Variants in CCDC88C observed in about 807,000 individuals in gnomAD.
CCDC88C encodes the protein coiled-coil and HOOK domain protein 88C.
In CCDC88C, 131 loss-of-function variants were observed where a neutral mutation model predicts 198.8. That is an observed-to-expected ratio of 0.66 (90% confidence interval 0.57 to 0.76). The LOEUF (loss-of-function observed/expected upper bound fraction) is 0.76, where lower values mean the gene tolerates loss of function less well. Ranked by LOEUF, CCDC88C falls within the 30% of genes least tolerant of loss-of-function variation. The probability of loss-of-function intolerance (pLI) is 0.00; values close to 1 mark genes in which losing one functional copy is unlikely to be tolerated. For missense variants in CCDC88C, 2,553 were observed against 2,631.6 expected (o/e 0.97, Z 0.65); for synonymous variants, 1,166 against 1,114.7 (o/e 1.05, Z -0.92).
chr14:91,330,385 G>A lies in CCDC88C; in HGVS notation c.1051-4329C>T, dbSNP rs73338417. On this transcript the variant is annotated intron_variant, in intron 10 of 29. Coordinates refer to ENST00000389857, the MANE Select transcript of CCDC88C (RefSeq NM_001080414.4). ...AGTGGGGAGTGGCAGACGAGGGTACGGTGTGGGTTTTACCCAGGAGCCATG... is the reference window on the plus strand; with the variant it reads ...AGTGGGGAGTGGCAGACGAGGGTACAGTGTGGGTTTTACCCAGGAGCCATG... 9.9e-3 allele frequency among the ~76,000 whole-genome samples: 1,505 copies of A among 152,298 alleles called. 32 individuals carry two copies. Among genetic ancestry groups the A allele is most frequent in the African/African-American group, 0.035 (1,451 of 41,558 alleles).
chr14:91,316,435 T>G (rs1333459325), intron 13 of CCDC88C, among the ~76,000 whole-genome samples: 1 of 152,070 alleles, frequency 6.6e-6, no homozygotes. Flanking sequence ...CCTTTTTTTT[T>G]TTTTGAGATG....
intron 10 of CCDC88C, among the ~76,000 whole-genome samples, chr14:91,327,873 C>T (rs755301976): frequency 2.6e-5 from 4 of 152,214 alleles, no homozygotes; most frequent in Admixed American, 6.5e-5. Context: ...TCACAAGCAA[C>T]TCCTATTCAG....
At chr14:91,401,347 T>TATATA (rs1567123925) in intron 3 of CCDC88C, among the ~76,000 whole-genome samples, 1 of 130,090 alleles carries the variant, frequency 7.7e-6, no homozygotes, top group South Asian at 2.3e-4. Flanking sequence ...TATATATATA[T>TATATA]TTTTTGAGAC....
Position 91,300,087 on chromosome 14 carries a change from C to T in CCDC88C, c.3636-17G>A. ...TCACCGTGCCTGTTGGAGGGAAGCA[C>T]CTGCCGTGAGTCTGGCCAGGGCCTT... On this transcript the variant is annotated splice_polypyrimidine_tract_variant and intron_variant, in intron 20 of 29. Transcript: ENST00000389857. 1 of 1,604,362 alleles carries T rather than the reference C, an allele frequency of 6.2e-7. No individual in the cohort carries two copies. Among genetic ancestry groups the T allele is most frequent in the Non-Finnish European group, 8.5e-7 (1 of 1,176,316 alleles).
intron 3 of CCDC88C, among the ~76,000 whole-genome samples, chr14:91,378,272 G>C (rs1164604230): frequency 6.6e-6 from 1 of 152,296 alleles, no homozygotes; most frequent in Non-Finnish European, 1.5e-5. Flanking sequence ...GGGACAGGGG[G>C]TGACAAGAGA....
chr14:91,412,492 T>C (rs1402928671), intron 2 of CCDC88C, among the ~76,000 whole-genome samples: 1 of 151,946 alleles, frequency 6.6e-6, no homozygotes, highest in Non-Finnish European at 1.5e-5. Context: ...CTGGGTGCAG[T>C]GGCACAATCT....
chr14:91,272,918 C>A lies in CCDC88C; in HGVS notation c.5794G>T (p.Ala1932Ser). ...SNSQLLHFSPAAAPAARTKPK... is the reference protein window; with the variant it reads ...SNSQLLHFSPSAAPAARTKPK... Reference sequence around the variant, plus strand: ...TTGGTCCTGGCAGCCGGGGCTGCAGCAGGTGAGAAGTGCAGGAGCTGGGAG... The same window carrying A: ...TTGGTCCTGGCAGCCGGGGCTGCAGAAGGTGAGAAGTGCAGGAGCTGGGAG... The change falls in exon 30 of 30, where the codon GCT (alanine) becomes TCT (serine). Residue 1932 changes from alanine (A) to serine (S), a missense_variant. Ala to Ser is a moderately conservative substitution (Grantham distance 99, BLOSUM62 1). This residue lies in a region of CCDC88C where 1,293 missense variants were observed against 1,219.6 expected (regional missense o/e 1.06). Transcript: ENST00000389857. The A allele has an allele frequency of 6.4e-7, 1 of 1,574,068 alleles. No homozygotes were observed. Among genetic ancestry groups the A allele is most frequent in the East Asian group, 2.3e-5 (1 of 43,160 alleles).
At chr14:91,344,828 A>C (rs1596093792) in intron 4 of CCDC88C, among the ~76,000 whole-genome samples, 7 of 136,104 alleles carry the variant, frequency 5.1e-5, no homozygotes, top group South Asian at 4.8e-4. Context: ...ACAGGTTCCC[A>C]CTCTATTGCC....
At chr14:91,301,249 C>T (rs186636523) in intron 20 of CCDC88C, among the ~76,000 whole-genome samples, 54 of 152,322 alleles carry the variant, frequency 3.5e-4, no homozygotes, top group Admixed American at 3.4e-3. Context: ...CATGTACCTA[C>T]ACTCCTAAAC....
chr14:91,301,502 G>A (rs1891281608), intron 20 of CCDC88C, among the ~76,000 whole-genome samples: 1 of 152,232 alleles, frequency 6.6e-6, no homozygotes. Flanking sequence ...GATCACTTGA[G>A]GTAGGGAGTT....
At chr14:91,408,971 C>A (rs1405492264) in intron 2 of CCDC88C, among the ~76,000 whole-genome samples, 1 of 152,164 alleles carries the variant, frequency 6.6e-6, no homozygotes, top group Non-Finnish European at 1.5e-5. Flanking sequence ...TGCTCCCTGA[C>A]CCGAGCACCT....
chr14:91,397,120 G>A (rs1282385055), intron 3 of CCDC88C, among the ~76,000 whole-genome samples: 2 of 152,226 alleles, frequency 1.3e-5, no homozygotes, highest in Admixed American at 6.5e-5. Context: ...CACCAATAGG[G>A]GAGGGAGAGG....
At chr14:91,296,242 C>T (rs372508049) in intron 22 of CCDC88C, among the ~76,000 whole-genome samples, 1 of 152,238 alleles carries the variant, frequency 6.6e-6, no homozygotes, top group Non-Finnish European at 1.5e-5. Context: ...TGTCCCCTCT[C>T]GTGACCTGTG....
At chr14:91,303,193 G>A (rs1011679264) in intron 20 of CCDC88C, among the ~76,000 whole-genome samples, 12 of 151,574 alleles carry the variant, frequency 7.9e-5, no homozygotes, top group Non-Finnish European at 1.6e-4. Flanking sequence ...GCCTACCCAG[G>A]GGCCCCACCT....
intron 28 of CCDC88C, among the ~76,000 whole-genome samples, chr14:91,278,746 G>A (rs917482950): frequency 5.9e-5 from 9 of 152,142 alleles, no homozygotes; most frequent in Non-Finnish European, 1.3e-4. Context: ...GAAGGGAGCT[G>A]AACCCCAACC....
chr14:91,272,490 ACAG>A lies in CCDC88C; in HGVS notation c.*132_*134del. 2.3e-6 allele frequency: 2 copies of A among 882,832 alleles called. No individual in the cohort carries two copies. Among genetic ancestry groups the A allele is most frequent in the African/African-American group, 1.7e-5 (1 of 59,584 alleles). The allele number at this position is 882,832 out of a possible 1,614,324, so 54.7% of individuals were successfully genotyped here. ...CACAGTGTTTCCATTCACAGAACAA[ACAG>A]CAGAAATGCGTGGGAACCCCTTTCC... On this transcript the variant is annotated 3_prime_UTR_variant, in exon 30 of 30. Coordinates refer to ENST00000389857, the MANE Select transcript of CCDC88C (RefSeq NM_001080414.4).
In CCDC88C at chr14:91,272,758, G is replaced by C. The variant is rs3814839; in HGVS notation, c.5954C>G (p.Ser1985Cys). The part of the protein sequence containing the change: ...EGLPAKSPGR[S>C]PDLAPHLGRA... Reference sequence around the variant, plus strand: ...GCCGAGGTGGGGAGCCAAATCGGGAGACCGACCTGGGCTCTTGGCCGGAAG... The same window carrying C: ...GCCGAGGTGGGGAGCCAAATCGGGACACCGACCTGGGCTCTTGGCCGGAAG... The change falls in exon 30 of 30, where the codon TCT (serine) becomes TGT (cysteine). Residue 1985 changes from serine to cysteine, a missense_variant. This residue lies in a region of CCDC88C where 1,293 missense variants were observed against 1,219.6 expected (regional missense o/e 1.06). Transcript: ENST00000389857. 7.6e-4 allele frequency: 1,215 copies of C among 1,608,722 alleles called. 22 individuals are homozygous for C. In the East Asian group the frequency reaches 0.025, roughly 33 times the overall value.
intron 6 of CCDC88C, among the ~76,000 whole-genome samples, chr14:91,341,355 C>G (rs1001851466): frequency 2.0e-5 from 3 of 152,170 alleles, no homozygotes; most frequent in African/African-American, 7.2e-5. Flanking sequence ...TATTGAAATG[C>G]TTATGCCCCC....
chr14:91,274,879 A>G (rs1889886423), intron 29 of CCDC88C, among the ~76,000 whole-genome samples: 1 of 152,224 alleles, frequency 6.6e-6, no homozygotes, highest in Non-Finnish European at 1.5e-5. Flanking sequence ...CCCAGATGAA[A>G]GCCTATGGCT....
Sources: allele counts gnomAD v4.1 joint callset (sites outside exome capture counted in the v4.1 genomes callset), GRCh38; gene constraint gnomAD v4.1.1; regional missense constraint gnomAD v4.1.1; transcripts MANE v1.5; gene names NCBI Gene and HGNC (gene_info 2026-07-23, HGNC 2026-07-21).